Variants in SNTG1 observed in about 807,000 individuals in gnomAD.
SNTG1 encodes gamma-1-syntrophin.
In SNTG1, 39 loss-of-function variants were observed where a neutral mutation model predicts 74.7. The observed-to-expected ratio is 0.52, with a 90% CI of 0.40 to 0.68. The LOEUF is 0.68. Among genes scored for constraint, SNTG1 ranks in the 30% least tolerant of loss-of-function variants. The probability of loss-of-function intolerance (pLI) is 0.00; values close to 1 mark genes in which losing one functional copy is unlikely to be tolerated. For missense variants in SNTG1, 685 were observed against 609.5 expected (o/e 1.12, Z -1.30); for synonymous variants, 254 against 217.1 (o/e 1.17, Z -1.49).
intron 2 of SNTG1, among the ~76,000 whole-genome samples, chr8:50,306,886 G>A (rs1031249501): frequency 7.9e-5 from 12 of 151,702 alleles, no homozygotes; most frequent in African/African-American, 2.9e-4. Context: ...GCTTTCTAAT[G>A]TAATGAAATC....
intron 3 of SNTG1, among the ~76,000 whole-genome samples, chr8:50,401,181 T>C (rs1319579915): frequency 2.0e-5 from 3 of 152,282 alleles, no homozygotes; most frequent in East Asian, 3.9e-4. Context: ...CAATAATTAT[T>C]ACAAGAAAAT....
At chr8:50,016,314 AATG>A (rs1429951210) in intron 1 of SNTG1, among the ~76,000 whole-genome samples, 1 of 152,136 alleles carries the variant, frequency 6.6e-6, no homozygotes, top group Non-Finnish European at 1.5e-5. Context: ...GCCATTTCAA[AATG>A]ATATTTTTTA....
intron 2 of SNTG1, among the ~76,000 whole-genome samples, chr8:50,389,774 T>C (rs1381453263): frequency 1.3e-5 from 2 of 152,232 alleles, no homozygotes; most frequent in Non-Finnish European, 2.9e-5. Flanking sequence ...ATGATCGCCA[T>C]TCTAACTGGT....
chr8:50,090,139 CT>C (rs1196454924), intron 1 of SNTG1, among the ~76,000 whole-genome samples: 1 of 152,144 alleles, frequency 6.6e-6, no homozygotes, highest in African/African-American at 2.4e-5. Flanking sequence ...CAGTCCTCTG[CT>C]TTTTCTTCTT....
intron 1 of SNTG1, among the ~76,000 whole-genome samples, chr8:49,987,523 T>C (rs377556493): frequency 6.6e-6 from 1 of 152,170 alleles, no homozygotes; most frequent in South Asian, 2.1e-4. Context: ...AGTGGAACAA[T>C]TTATGCCCAG....
chr8:50,495,796 T>A (rs2128000), intron 8 of SNTG1, among the ~76,000 whole-genome samples: 2 of 151,864 alleles, frequency 1.3e-5, no homozygotes, highest in Non-Finnish European at 2.9e-5. Context: ...CACAGAAGGG[T>A]AGTATGCTCC....
chr8:50,497,391 T>G (rs2093914018), intron 8 of SNTG1, among the ~76,000 whole-genome samples: 1 of 152,068 alleles, frequency 6.6e-6, no homozygotes, highest in African/African-American at 2.4e-5. Flanking sequence ...TATTATCTAT[T>G]GTACACTTAA....
intron 12 of SNTG1, chr8:50,568,834 C>T (rs4873466): frequency 1.3e-5 from 2 of 152,068 alleles, no homozygotes; most frequent in South Asian, 2.1e-4. Context: ...TTCCATTCAT[C>T]GCTCCATCTT....
At chr8:50,260,178 A>T (rs2087111205) in intron 2 of SNTG1, among the ~76,000 whole-genome samples, 1 of 152,194 alleles carries the variant, frequency 6.6e-6, no homozygotes, top group Non-Finnish European at 1.5e-5. Context: ...ACCAGAGTTT[A>T]AGCAACTGAG....
intron 15 of SNTG1, among the ~76,000 whole-genome samples, chr8:50,682,223 C>T (rs2095334027): frequency 6.6e-6 from 1 of 152,074 alleles, no homozygotes. Context: ...GTAGGTAGTC[C>T]CTACTGCTGT....
chr8:50,512,598 G>T (rs2094090857), intron 9 of SNTG1, among the ~76,000 whole-genome samples: 1 of 152,088 alleles, frequency 6.6e-6, no homozygotes, highest in Non-Finnish European at 1.5e-5. Context: ...TATATTTCTT[G>T]GAGGCTTTGC....
chr8:50,207,707 CT>C (rs2084315902), intron 2 of SNTG1, among the ~76,000 whole-genome samples: 1 of 152,144 alleles, frequency 6.6e-6, no homozygotes, highest in African/African-American at 2.4e-5. Context: ...GCATTTAGTG[CT>C]ATACATTTCC....
At chr8:49,979,442 A>G (rs1156897625) in intron 1 of SNTG1, among the ~76,000 whole-genome samples, 1 of 152,136 alleles carries the variant, frequency 6.6e-6, no homozygotes, top group African/African-American at 2.4e-5. Flanking sequence ...TGTGCTTTTG[A>G]TGACAATATT....
intron 8 of SNTG1, among the ~76,000 whole-genome samples, chr8:50,497,518 A>T (rs1473852823): frequency 6.6e-6 from 1 of 152,042 alleles, no homozygotes; most frequent in African/African-American, 2.4e-5. Flanking sequence ...TTATAATATA[A>T]TGTCAATACA....
chr8:50,091,204 G>T (rs528495252), intron 1 of SNTG1, among the ~76,000 whole-genome samples: 20 of 151,930 alleles, frequency 1.3e-4, no homozygotes, highest in Admixed American at 3.9e-4. Flanking sequence ...ATGATGTTTT[G>T]ATATACTTAC....
At chr8:50,383,710 C>T (rs80342105) in intron 2 of SNTG1, among the ~76,000 whole-genome samples, 4,155 of 152,228 alleles carry the variant, frequency 0.027, 70 homozygotes, top group Non-Finnish European at 0.043. Flanking sequence ...CCTGCCTGAA[C>T]GGGGTTATTG....
At chr8:50,344,972 A>C (rs552101723) in intron 2 of SNTG1, among the ~76,000 whole-genome samples, 1 of 152,198 alleles carries the variant, frequency 6.6e-6, no homozygotes, top group Non-Finnish European at 1.5e-5. Flanking sequence ...GCAGGGGTGC[A>C]CAAACCCAGG....
At chr8:50,117,539 A>C (rs558750287) in intron 1 of SNTG1, among the ~76,000 whole-genome samples, 2 of 152,306 alleles carry the variant, frequency 1.3e-5, no homozygotes, top group South Asian at 4.1e-4. Flanking sequence ...GCTGATCAAT[A>C]ATCATGGAGG....
intron 17 of SNTG1, among the ~76,000 whole-genome samples, chr8:50,737,911 A>G (rs1289328226): frequency 1.3e-5 from 2 of 152,110 alleles, no homozygotes; most frequent in Non-Finnish European, 2.9e-5. Flanking sequence ...AAGTATCTCA[A>G]AATAATAAGA....
Sources: allele counts gnomAD v4.1 joint callset (sites outside exome capture counted in the v4.1 genomes callset), GRCh38; gene constraint gnomAD v4.1.1; transcripts MANE v1.5; gene names NCBI Gene and HGNC (gene_info 2026-07-23, HGNC 2026-07-21).